The following LRP1B variants were observed in gnomAD, a reference collection of about 807,000 sequenced individuals.
LRP1B encodes the protein LDL receptor related protein 1B.
A neutral mutation model predicts 556.6 loss-of-function variants in LRP1B; 217 were observed. The ratio of observed to expected loss-of-function variants is 0.39; its 90% CI spans 0.35 to 0.44. The LOEUF (loss-of-function observed/expected upper bound fraction) is 0.44. Ranked by LOEUF, LRP1B falls within the 20% of genes least tolerant of loss-of-function variation. The pLI, the probability that LRP1B is intolerant of heterozygous loss-of-function variation, is 1.00. For synonymous variants in LRP1B, 2,047 were observed against 1,865.8 expected, an observed-to-expected ratio of 1.10 and a Z score of -2.50; for missense variants, 5,053 against 5,620.8, an observed-to-expected ratio of 0.90 and a Z score of 3.23.
chr2:140,524,631 T>A (rs901341137), intron 49 of LRP1B, among the ~76,000 whole-genome samples: 44 of 151,898 alleles, frequency 2.9e-4, no homozygotes, highest in African/African-American at 2.4e-5. Context: ...AAAAGTGAAA[T>A]CATGTCCTTT....
chr2:141,485,613 G>A (rs1006153240), intron 2 of LRP1B, among the ~76,000 whole-genome samples: 3 of 151,966 alleles, frequency 2.0e-5, no homozygotes, highest in African/African-American at 7.3e-5. Flanking sequence ...GTTGCTTTGG[G>A]GATTACTCTA....
At chr2:141,703,771 G>A (rs1006178166) in intron 2 of LRP1B, among the ~76,000 whole-genome samples, 14 of 151,832 alleles carry the variant, frequency 9.2e-5, no homozygotes, top group Non-Finnish European at 1.5e-4. Context: ...AGAAACCCTG[G>A]TGCAAAAACA....
At chr2:141,618,544 G>A (rs1368138694) in intron 2 of LRP1B, among the ~76,000 whole-genome samples, 2 of 152,144 alleles carry the variant, frequency 1.3e-5, no homozygotes, top group African/African-American at 2.4e-5. Context: ...TAAAAACTAA[G>A]TGCCATGAGA....
intron 3 of LRP1B, among the ~76,000 whole-genome samples, chr2:141,435,231 C>G (rs1314649002): frequency 6.6e-6 from 1 of 152,136 alleles, no homozygotes; most frequent in African/African-American, 2.4e-5. Flanking sequence ...ATTTAAGTCT[C>G]TTATGGCAGG....
rs879816434 is a variant in LRP1B, at chr2:141,490,940, T to C, written c.206-10407A>G. 3.7e-3 allele frequency among the ~76,000 whole-genome samples: 563 copies of C among 150,958 alleles called. 6 individuals carry two copies. Among genetic ancestry groups the C allele is most frequent in the Non-Finnish European group, 6.6e-3 (448 of 67,614 alleles). On this transcript the variant is annotated intron_variant, in intron 2 of 90. Coordinates refer to ENST00000389484, the MANE Select transcript of LRP1B (RefSeq NM_018557.3). ...CACCTAGGTTAAAATGTTTTTTTTT[T>C]TTTTTTTTTTTTTAATCTCTTACAG...
Position 140,347,808 on chromosome 2 carries a change from A to AT in LRP1B, c.11892+2988dup, listed in dbSNP as rs567624335. ...AGCCTGGGGAAAAATCTTGAGTTTT[A>AT]TTTTTCAAGGGGTGGGAAAGTCTCC... On this transcript the variant is annotated intron_variant, in intron 77 of 90. Coordinates refer to ENST00000389484, the MANE Select transcript of LRP1B (RefSeq NM_018557.3). Among the ~76,000 whole-genome samples, 288 of 152,050 alleles carry AT rather than the reference A, an allele frequency of 1.9e-3. 1 individual carries two copies. The highest frequency in any genetic ancestry group is 6.6e-3 in the African/African-American group (273 of 41,550).
chr2:140,982,714 A>C (rs192197674), intron 17 of LRP1B, among the ~76,000 whole-genome samples: 42 of 152,328 alleles, frequency 2.8e-4, no homozygotes, highest in African/African-American at 9.9e-4. Context: ...AGACGATCTC[A>C]GGATATCTAG....
chr2:141,462,872 G>T (rs1230562697), intron 3 of LRP1B, among the ~76,000 whole-genome samples: 1 of 152,066 alleles, frequency 6.6e-6, no homozygotes, highest in African/African-American at 2.4e-5. Context: ...TTTTAAGTAT[G>T]AATGGCTATT....
chr2:142,039,342 TA>T (rs1703989646), intron 1 of LRP1B, among the ~76,000 whole-genome samples: 1 of 151,476 alleles, frequency 6.6e-6, no homozygotes, highest in South Asian at 2.1e-4. Flanking sequence ...CCTGTGATCC[TA>T]GGAGCCACAT....
chr2:140,908,675 C>T (rs897651805), intron 21 of LRP1B, among the ~76,000 whole-genome samples: 1 of 151,718 alleles, frequency 6.6e-6, no homozygotes, highest in Admixed American at 6.6e-5. Flanking sequence ...TGGCGACTAA[C>T]ATGTATAGAC....
At chr2:142,020,042 C>T (rs1703282315) in intron 1 of LRP1B, among the ~76,000 whole-genome samples, 1 of 152,114 alleles carries the variant, frequency 6.6e-6, no homozygotes, top group Non-Finnish European at 1.5e-5. Context: ...GTACCTGTCT[C>T]ATCACATTAG....
intron 18 of LRP1B, among the ~76,000 whole-genome samples, chr2:140,979,624 A>C (rs1469243249): frequency 6.6e-6 from 1 of 152,142 alleles, no homozygotes; most frequent in Non-Finnish European, 1.5e-5. Flanking sequence ...GTTCCTCCCC[A>C]CCAGGAAATG....
chr2:141,607,391 G>A (rs1482965169), intron 2 of LRP1B, among the ~76,000 whole-genome samples: 1 of 152,098 alleles, frequency 6.6e-6, no homozygotes, highest in Non-Finnish European at 1.5e-5. Flanking sequence ...TAAGCTTTCA[G>A]TAACCTAACA....
intron 17 of LRP1B, among the ~76,000 whole-genome samples, chr2:140,982,981 T>A (rs1477113208): frequency 6.6e-6 from 1 of 152,068 alleles, no homozygotes; most frequent in Non-Finnish European, 1.5e-5. Flanking sequence ...AAACATGGAA[T>A]CTTCCTTTCT....
chr2:140,671,735 T>G lies in LRP1B; in HGVS notation c.6799+28515A>C, dbSNP rs536859997. Among the ~76,000 whole-genome samples the G allele has an allele frequency of 3.9e-5, 6 of 152,278 alleles. No homozygotes were observed. The South Asian group carries it at 1.0e-3, about 26-fold the overall frequency. The stretch of plus-strand genomic sequence containing the variant: ...GGCCCATTCAAATCATCTAGGATAT[T>G]TTTTCCATCTCAATATCCTTAACTT... On this transcript the variant is annotated intron_variant, in intron 41 of 90. Coordinates refer to ENST00000389484, the MANE Select transcript of LRP1B (RefSeq NM_018557.3).
rs564480085 is a variant in LRP1B, at chr2:140,380,769, T to G, written c.10532-2483A>C. 3.3e-5 allele frequency among the ~76,000 whole-genome samples: 5 copies of G among 152,312 alleles called. No individual in the cohort carries two copies. The South Asian group carries it at 1.0e-3, about 32-fold the overall frequency. On this transcript the variant is annotated intron_variant, in intron 67 of 90. Coordinates refer to ENST00000389484, the MANE Select transcript of LRP1B (RefSeq NM_018557.3). ...AGGCTTCACAGGCCTTGACACACTT[T>G]GCTATACAAAGGGTTGAAAGTTGTT...
intron 82 of LRP1B, among the ~76,000 whole-genome samples, chr2:140,321,513 GAGA>G (rs1680126764): frequency 6.6e-6 from 1 of 151,900 alleles, no homozygotes; most frequent in African/African-American, 2.4e-5. Flanking sequence ...CCATTTTACA[GAGA>G]AGAAGCTAAA....
In LRP1B at chr2:141,342,824, C is replaced by A. The variant is rs147254161; in HGVS notation, c.344-88183G>T. Among the ~76,000 whole-genome samples, 115 of 152,260 alleles carry A rather than the reference C, an allele frequency of 7.6e-4. 1 individual carries two copies. Among genetic ancestry groups the A allele is most frequent in the African/African-American group, 2.7e-3 (112 of 41,546 alleles). ...TCAGGATATTATCCAGGAGAACTTC[C>A]TCAACCTAGCAAGACAGGCCAACAT... On this transcript the variant is annotated intron_variant, in intron 3 of 90. Coordinates refer to ENST00000389484, the MANE Select transcript of LRP1B (RefSeq NM_018557.3).
intron 41 of LRP1B, among the ~76,000 whole-genome samples, chr2:140,635,213 A>T (rs545138242): frequency 6.6e-6 from 1 of 152,078 alleles, no homozygotes; most frequent in South Asian, 2.1e-4. Context: ...TAAAACAAGG[A>T]TAGTAGAAAA....
Sources: allele counts gnomAD v4.1 joint callset (sites outside exome capture counted in the v4.1 genomes callset), GRCh38; gene constraint gnomAD v4.1.1; transcripts MANE v1.5; gene names NCBI Gene and HGNC (gene_info 2026-07-23, HGNC 2026-07-21).